Variants in TRHDE observed in about 807,000 individuals in gnomAD.
The protein encoded by TRHDE is thyrotropin releasing hormone degrading enzyme.
A neutral mutation model predicts 125.7 loss-of-function variants in TRHDE; 72 were observed. The ratio of observed to expected loss-of-function variants is 0.57; its 90% CI spans 0.47 to 0.70. The LOEUF (loss-of-function observed/expected upper bound fraction) is 0.70, where lower values mean the gene tolerates loss of function less well. TRHDE is among the 30% of genes least tolerant of loss of function. The probability of loss-of-function intolerance (pLI) is 0.00; values close to 1 mark genes in which losing one functional copy is unlikely to be tolerated. For missense variants in TRHDE, 1,110 were observed against 1,327.1 expected, an observed-to-expected ratio of 0.84 and a Z score of 2.54; for synonymous variants, 509 against 509.1, an observed-to-expected ratio of 1.00 and a Z score of 0.00.
chr12:72,141,994 C>T (rs1487019516), intron 2 of TRHDE, among the ~76,000 whole-genome samples: 1 of 151,670 alleles, frequency 6.6e-6, no homozygotes, highest in Non-Finnish European at 1.5e-5. Flanking sequence ...AAAGGTAGGC[C>T]CCAGGGAGAA....
At chr12:72,252,942 T>C (rs1254350339) in intron 2 of TRHDE, among the ~76,000 whole-genome samples, 2 of 152,108 alleles carry the variant, frequency 1.3e-5, no homozygotes, top group Non-Finnish European at 2.9e-5. Context: ...TTAATTTTGG[T>C]TTTCATACGT....
intron 3 of TRHDE, among the ~76,000 whole-genome samples, chr12:72,386,175 C>T (rs960121451): frequency 2.6e-5 from 4 of 152,140 alleles, no homozygotes; most frequent in African/African-American, 9.7e-5. Flanking sequence ...TTTGGGTTTA[C>T]TCCTAAGCAT....
At chr12:72,375,666 T>G (rs1206108184) in intron 2 of TRHDE, among the ~76,000 whole-genome samples, 1 of 152,232 alleles carries the variant, frequency 6.6e-6, no homozygotes, top group Non-Finnish European at 1.5e-5. Flanking sequence ...GTATCCATTT[T>G]ACATTTATAT....
intron 6 of TRHDE, among the ~76,000 whole-genome samples, chr12:72,541,314 A>G (rs1218425940): frequency 6.6e-6 from 1 of 151,514 alleles, no homozygotes; most frequent in East Asian, 1.9e-4. Context: ...AGGCTTATTT[A>G]TATTTTACAT....
intron 1 of TRHDE, among the ~76,000 whole-genome samples, chr12:72,100,890 C>T (rs904192551): frequency 1.3e-5 from 2 of 152,206 alleles, no homozygotes; most frequent in Non-Finnish European, 1.5e-5. Flanking sequence ...ATCCCTCATA[C>T]TTTCCTCTGA....
At chr12:72,292,045 CA>C (rs984078591) in intron 2 of TRHDE, among the ~76,000 whole-genome samples, 163 of 152,320 alleles carry the variant, frequency 1.1e-3, no homozygotes, top group African/African-American at 3.7e-3. Flanking sequence ...CTCCATTAGA[CA>C]AAATGATACC....
intron 2 of TRHDE, among the ~76,000 whole-genome samples, chr12:72,188,011 A>G (rs1215362988): frequency 6.6e-6 from 1 of 152,238 alleles, no homozygotes; most frequent in Non-Finnish European, 1.5e-5. Context: ...ACCATAGCAA[A>G]CAGATGAAAA....
chr12:72,520,156 T>C (rs1216313496), intron 6 of TRHDE, among the ~76,000 whole-genome samples: 2 of 152,314 alleles, frequency 1.3e-5, no homozygotes, highest in African/African-American at 4.8e-5. Context: ...CCTTGAGCTG[T>C]GGTGGGCTCC....
intron 3 of TRHDE, among the ~76,000 whole-genome samples, chr12:72,464,692 G>A (rs1397191574): frequency 6.6e-6 from 1 of 152,142 alleles, no homozygotes; most frequent in Non-Finnish European, 1.5e-5. Flanking sequence ...TGGATATTCT[G>A]TTATTATAGA....
chr12:72,585,223 A>C (rs1476484927), intron 12 of TRHDE, among the ~76,000 whole-genome samples: 1 of 152,144 alleles, frequency 6.6e-6, no homozygotes, highest in Non-Finnish European at 1.5e-5. Context: ...TCTGTATTCT[A>C]GAAATTCATT....
intron 3 of TRHDE, among the ~76,000 whole-genome samples, chr12:72,452,818 T>G (rs1458173089): frequency 1.3e-5 from 2 of 152,024 alleles, no homozygotes; most frequent in Non-Finnish European, 2.9e-5. Context: ...GCTCTGGCCA[T>G]GTACATGCCT....
At chr12:72,319,059 T>C (rs575255608) in intron 2 of TRHDE, among the ~76,000 whole-genome samples, 1 of 152,132 alleles carries the variant, frequency 6.6e-6, no homozygotes, top group South Asian at 2.1e-4. Flanking sequence ...GGCTTGGGAT[T>C]GAATGAATGG....
chr12:72,425,748 G>A (rs1354007163), intron 3 of TRHDE, among the ~76,000 whole-genome samples: 1 of 151,748 alleles, frequency 6.6e-6, no homozygotes, highest in African/African-American at 2.4e-5. Context: ...CTTATTATTG[G>A]TGGAAATTAA....
chr12:72,273,545 A>T lies in TRHDE; in HGVS notation c.902A>T (p.His301Leu). The change falls in exon 1 of 19, where the codon CAC becomes CTC. Residue 301 changes from histidine to leucine, a missense_variant. Physicochemically the swap from His to Leu is moderately conservative, Grantham distance 99. Coordinates refer to ENST00000261180, the MANE Select transcript of TRHDE (RefSeq NM_013381.3). This position sits in a 1 kb window ranked among gnomAD's most constrained non-coding sequence, Gnocchi z 5.3. Reference protein sequence around the residue: ...LGFFRSSYVLHGERRFLGVTQ... With the variant: ...LGFFRSSYVLLGERRFLGVTQ... The stretch of plus-strand genomic sequence containing the variant: ...TTCTTCCGCAGCTCCTATGTGCTCC[A>T]CGGGGAGAGAAGGTATGGAGGGAGG... The T allele has an allele frequency of 6.3e-7, 1 of 1,597,542 alleles. No individual in the cohort carries two copies. Among genetic ancestry groups the T allele is most frequent in the South Asian group, 1.1e-5 (1 of 90,896 alleles).
At chr12:72,635,884 C>T (rs935600636) in intron 15 of TRHDE, among the ~76,000 whole-genome samples, 1 of 152,130 alleles carries the variant, frequency 6.6e-6, no homozygotes, top group Admixed American at 6.5e-5. Context: ...GTACCAGTAC[C>T]ATGCTCTTTT....
intron 18 of TRHDE, among the ~76,000 whole-genome samples, chr12:72,657,406 T>C (rs1264253763): frequency 1.3e-5 from 2 of 152,180 alleles, no homozygotes; most frequent in Non-Finnish European, 2.9e-5. Context: ...ACCATGTGTC[T>C]CACTGCTTTG....
intron 15 of TRHDE, among the ~76,000 whole-genome samples, chr12:72,645,766 A>C (rs1874255809): frequency 6.6e-6 from 1 of 152,182 alleles, no homozygotes; most frequent in African/African-American, 2.4e-5. Flanking sequence ...AAATATCAAA[A>C]GATTTTTCAG....
chr12:72,267,625 G>A (rs901250723), upstream of TRHDE, among the ~76,000 whole-genome samples: 2 of 151,636 alleles, frequency 1.3e-5, no homozygotes, highest in Non-Finnish European at 2.9e-5. Context: ...CAGCCTGGGC[G>A]ACAGAGTGAG....
chr12:72,621,242 A>G (rs1225657671), intron 14 of TRHDE, 37 bp downstream of exon 14: 1 of 1,353,876 alleles, frequency 7.4e-7, no homozygotes, highest in Admixed American at 1.7e-5. Flanking sequence ...CTTTACCCCT[A>G]GAGCTGTATA....
Sources: allele counts gnomAD v4.1 joint callset (sites outside exome capture counted in the v4.1 genomes callset), GRCh38; gene constraint gnomAD v4.1.1; non-coding constraint Gnocchi (gnomAD v3.1); transcripts MANE v1.5; gene names NCBI Gene and HGNC (gene_info 2026-07-23, HGNC 2026-07-21).